The following DNAH14 variants were observed in gnomAD, a reference collection of about 807,000 sequenced individuals.
The protein encoded by DNAH14 is dynein axonemal heavy chain 14.
A neutral mutation model predicts 520.9 loss-of-function variants in DNAH14; 478 were observed. The ratio of observed to expected loss-of-function variants is 0.92; its 90% CI spans 0.85 to 0.99. The LOEUF (loss-of-function observed/expected upper bound fraction) is 0.99, where lower values mean the gene tolerates loss of function less well. Among genes scored for constraint, DNAH14 ranks in the 50% least tolerant of loss-of-function variants. DNAH14 has a pLI of 0.00. For synonymous variants in DNAH14, 1,581 were observed against 1,757.2 expected (o/e 0.90, Z 2.51); for missense variants, 4,831 against 5,234.5 (o/e 0.92, Z 2.38).
At chr1:224,983,103 A>G (rs1390098643) in intron 8 of DNAH14, among the ~76,000 whole-genome samples, 1 of 152,104 alleles carries the variant, frequency 6.6e-6, no homozygotes, top group Non-Finnish European at 1.5e-5. Flanking sequence ...TCTTAGGTCT[A>G]TTAGTAATTG....
intron 84 of DNAH14, chr1:225,397,043 T>A (rs1407721339): frequency 6.6e-6 from 1 of 151,686 alleles, no homozygotes; most frequent in Non-Finnish European, 1.5e-5. Context: ...AGTCTTGCTC[T>A]GTTGCCCAGG....
intron 27 of DNAH14, among the ~76,000 whole-genome samples, chr1:225,139,363 T>A (rs2149011804): frequency 6.6e-6 from 1 of 152,364 alleles, no homozygotes; most frequent in Non-Finnish European, 1.5e-5. Context: ...TTTCTAGAAA[T>A]ACTTTATGAT....
Position 225,085,605 on chromosome 1 carries a change from T to A in DNAH14, c.3389T>A (p.Leu1130His). The A allele has an allele frequency of 6.4e-7, 1 of 1,551,054 alleles. No individual in the cohort carries two copies. Among genetic ancestry groups the A allele is most frequent in the Non-Finnish European group, 8.7e-7 (1 of 1,146,604 alleles). Residue 1130 changes from leucine (L) to histidine (H), a missense_variant, in exon 21 of 86, where the codon CTT (leucine) becomes CAT (histidine). Transcript: ENST00000682510. Reference protein sequence around the residue: ...MSTSATNEAALEKMLFKIIDF... With the variant: ...MSTSATNEAAHEKMLFKIIDF... ...ACCTCAGCAACTAATGAAGCTGCTCTTGAAAAAATGCTATTTAAGATTATT... is the reference window on the plus strand; with the variant it reads ...ACCTCAGCAACTAATGAAGCTGCTCATGAAAAAATGCTATTTAAGATTATT...
At chr1:225,349,330 G>A (rs924646639) in intron 71 of DNAH14, among the ~76,000 whole-genome samples, 4 of 151,804 alleles carry the variant, frequency 2.6e-5, no homozygotes, top group African/African-American at 9.7e-5. Flanking sequence ...AACTGAGAAG[G>A]GAATCAAAGT....
At chr1:225,061,538 A>G (rs115495456) in intron 17 of DNAH14, among the ~76,000 whole-genome samples, 5,438 of 152,300 alleles carry the variant, frequency 0.036, 305 homozygotes, top group African/African-American at 0.12. Flanking sequence ...CACTGCTGAC[A>G]CTGCCCAGTG....
chr1:225,213,938 C>A (rs1288527650), intron 41 of DNAH14, among the ~76,000 whole-genome samples: 2 of 152,222 alleles, frequency 1.3e-5, no homozygotes, highest in East Asian at 1.9e-4. Context: ...GAACTTCCAA[C>A]ACTATGTTGA....
At chr1:225,274,435 C>G (rs1019754679) in intron 52 of DNAH14, among the ~76,000 whole-genome samples, 1 of 151,814 alleles carries the variant, frequency 6.6e-6, no homozygotes, top group Admixed American at 6.6e-5. Context: ...ACCTCGTGAT[C>G]CGCCCGCCTC....
intron 42 of DNAH14, among the ~76,000 whole-genome samples, chr1:225,238,934 C>A (rs1217571924): frequency 2.0e-5 from 3 of 152,156 alleles, no homozygotes; most frequent in Non-Finnish European, 2.9e-5. Context: ...TTGTGGGGAA[C>A]CCCTCCTTGT....
At chr1:225,290,997 C>A (rs1263368072) in intron 55 of DNAH14, among the ~76,000 whole-genome samples, 1 of 151,656 alleles carries the variant, frequency 6.6e-6, no homozygotes, top group Non-Finnish European at 1.5e-5. Flanking sequence ...ATTTTGTATC[C>A]CTTAAAAAAT....
At chr1:225,326,264 C>T (rs927598011) in intron 64 of DNAH14, among the ~76,000 whole-genome samples, 4 of 152,084 alleles carry the variant, frequency 2.6e-5, no homozygotes, top group African/African-American at 9.7e-5. Flanking sequence ...ATGTTCTAAC[C>T]TAGGTCTGTC....
At chr1:224,967,104 C>A (rs755070353) in intron 5 of DNAH14, among the ~76,000 whole-genome samples, 26 of 152,006 alleles carry the variant, frequency 1.7e-4, no homozygotes, top group African/African-American at 6.0e-4. Context: ...CAGACAAATA[C>A]TAGAAGATGG....
chr1:225,137,862 G>A (rs1179806339), intron 27 of DNAH14, among the ~76,000 whole-genome samples: 1 of 152,174 alleles, frequency 6.6e-6, no homozygotes, highest in Non-Finnish European at 1.5e-5. Flanking sequence ...AGCCAGCCAG[G>A]TAGAATGGCT....
chr1:225,346,263 A>C lies in DNAH14; in HGVS notation c.10980A>C (p.Pro3660=), dbSNP rs926072392. Residue 3660 remains proline, a synonymous_variant, in exon 70 of 86, where the codon CCA becomes CCC. Coordinates refer to ENST00000682510, the MANE Select transcript of DNAH14 (RefSeq NM_001367479.1). ...EHSFKREKVS[P]KEVHEFISIS... ...GTTTTAAAAGGGAGAAAGTGTCTCC[A>C]AAAGAAGTTCATGAGTTTATAAGTA... 3.9e-6 allele frequency: 6 copies of C among 1,551,540 alleles called. No homozygotes were observed. Among genetic ancestry groups the C allele is most frequent in the Non-Finnish European group, 5.2e-6 (6 of 1,146,936 alleles).
chr1:225,382,998 G>A (rs920954303), intron 81 of DNAH14, among the ~76,000 whole-genome samples: 1 of 152,166 alleles, frequency 6.6e-6, no homozygotes, highest in Non-Finnish European at 1.5e-5. Context: ...GAAATGTCCA[G>A]AATAGTGACA....
intron 25 of DNAH14, chr1:225,118,302 C>T: frequency 2.5e-6 from 1 of 403,152 alleles, no homozygotes; most frequent in Non-Finnish European, 4.6e-6. Context: ...TGCTTTTTCC[C>T]TTTTTGGTTT....
At chr1:225,130,060 A>G (rs1027778370) in intron 27 of DNAH14, among the ~76,000 whole-genome samples, 2 of 152,246 alleles carry the variant, frequency 1.3e-5, no homozygotes, top group Non-Finnish European at 2.9e-5. Flanking sequence ...CAAAAGACAC[A>G]TGAAAAAATG....
At chr1:225,145,927 T>G (rs1391705582) in intron 30 of DNAH14, among the ~76,000 whole-genome samples, 1 of 152,224 alleles carries the variant, frequency 6.6e-6, no homozygotes, top group African/African-American at 2.4e-5. Context: ...GTTTTGCATG[T>G]TAAGTCCAAA....
At chr1:225,137,198 G>A (rs1411345758) in intron 27 of DNAH14, among the ~76,000 whole-genome samples, 1 of 152,148 alleles carries the variant, frequency 6.6e-6, no homozygotes, top group Non-Finnish European at 1.5e-5. Context: ...AAATCAATTG[G>A]AAGAGGAGAA....
intron 21 of DNAH14, among the ~76,000 whole-genome samples, chr1:225,092,892 C>T (rs2074528456): frequency 6.6e-6 from 1 of 152,078 alleles, no homozygotes; most frequent in South Asian, 2.1e-4. Context: ...CTACTATGAA[C>T]ACCGCTATGC....
Sources: allele counts gnomAD v4.1 joint callset (sites outside exome capture counted in the v4.1 genomes callset), GRCh38; gene constraint gnomAD v4.1.1; transcripts MANE v1.5; gene names NCBI Gene and HGNC (gene_info 2026-07-23, HGNC 2026-07-21).